CLSTN1: variants seen among roughly 807,000 people sequenced by gnomAD.
The protein encoded by CLSTN1 is calsyntenin 1, also known as calsyntenin-1.
CLSTN1 carries 28 observed loss-of-function variants against 108.3 expected under a neutral mutation model. The ratio of observed to expected loss-of-function variants is 0.26; its 90% confidence interval spans 0.19 to 0.35. The LOEUF (loss-of-function observed/expected upper bound fraction) is 0.35, where lower values mean the gene tolerates loss of function less well. CLSTN1 is among the 10% of genes least tolerant of loss of function. CLSTN1 has a pLI of 1.00. For missense variants in CLSTN1, 1,157 were observed against 1,302.6 expected (o/e 0.89, Z 1.72); for synonymous variants, 524 against 534.9 (o/e 0.98, Z 0.28).
intron 7 of CLSTN1, among the ~76,000 whole-genome samples, chr1:9,745,243 A>C (rs1651200273): frequency 6.6e-6 from 1 of 152,118 alleles, no homozygotes; most frequent in South Asian, 2.1e-4. Flanking sequence ...AAAAAAAAAA[A>C]AAACAAAAAG....
chr1:9,782,292 T>C (rs1653283953), intron 1 of CLSTN1, among the ~76,000 whole-genome samples: 1 of 152,188 alleles, frequency 6.6e-6, no homozygotes, highest in African/African-American at 2.4e-5. Flanking sequence ...TAAAGTTTTA[T>C]ACCCTATAAA....
chr1:9,819,595 T>C (rs993148622), intron 1 of CLSTN1, among the ~76,000 whole-genome samples: 3 of 152,224 alleles, frequency 2.0e-5, no homozygotes, highest in Middle Eastern at 3.2e-3. Flanking sequence ...AAATAATTCC[T>C]ATAAAACTGC....
intron 1 of CLSTN1, among the ~76,000 whole-genome samples, chr1:9,778,425 G>A (rs868229349): frequency 7.2e-5 from 11 of 152,196 alleles, no homozygotes; most frequent in Admixed American, 2.6e-4. Flanking sequence ...CTCTCATGGA[G>A]AAGATAGCTT....
In CLSTN1 at chr1:9,751,571, C is replaced by T. The variant is rs1651560552; in HGVS notation, c.551G>A (p.Arg184Lys). ...GCAGTCGGCATCCACGGCCTCCACC[C>T]TCAAAATGCTGTCGTACTGCTTCCC... Reference protein sequence around the residue: ...IEGKQYDSILRVEAVDADCSP... With the variant: ...IEGKQYDSILKVEAVDADCSP... The change falls in exon 5 of 19, where the codon AGG (arginine) becomes AAG (lysine). Residue 184 changes from arginine to lysine, a missense_variant. By Grantham distance (26) the Arg-to-Lys change is conservative (BLOSUM62 2). Coordinates refer to ENST00000377298, the MANE Select transcript of CLSTN1 (RefSeq NM_001009566.3). 6.2e-7 allele frequency: 1 copy of T among 1,614,200 alleles called. No individual in the cohort carries two copies. The highest frequency in any genetic ancestry group is 8.5e-7 in the Non-Finnish European group (1 of 1,180,036).
intron 1 of CLSTN1, among the ~76,000 whole-genome samples, chr1:9,810,104 G>A (rs1231530311): frequency 7.8e-6 from 1 of 128,932 alleles, no homozygotes; most frequent in Non-Finnish European, 1.7e-5. Flanking sequence ...AGGGAGGGAG[G>A]GAGAGAGGGA....
chr1:9,799,844 G>A (rs915977016), intron 1 of CLSTN1, among the ~76,000 whole-genome samples: 5 of 151,768 alleles, frequency 3.3e-5, no homozygotes, highest in African/African-American at 2.4e-5. Context: ...GGGAGGCTGA[G>A]ACAGGAGAAT....
At chr1:9,774,483 C>T (rs775217450) in intron 1 of CLSTN1, among the ~76,000 whole-genome samples, 49 of 151,660 alleles carry the variant, frequency 3.2e-4, no homozygotes, top group Non-Finnish European at 5.3e-4. Flanking sequence ...GAAGAATCGC[C>T]TGAACCTGGG....
chr1:9,737,705 G>A (rs556957534), intron 10 of CLSTN1, 151 bp from the exon 11 acceptor site: 2 of 674,058 alleles, frequency 3.0e-6, no homozygotes, highest in African/African-American at 1.8e-5. Context: ...CCATCTGGAC[G>A]CAAGCTTGTA....
At chr1:9,762,238 G>GACCT (rs1652109513) in intron 2 of CLSTN1, among the ~76,000 whole-genome samples, 2 of 152,102 alleles carry the variant, frequency 1.3e-5, no homozygotes, top group Admixed American at 1.3e-4. Flanking sequence ...AAGGTGGGTG[G>GACCT]ATCACCTGAG....
At position 9,734,301 on chromosome 1, in the gene CLSTN1, G is replaced by A. The variant is rs1324150581; in HGVS notation, c.2111-159C>T. Among the ~76,000 whole-genome samples the A allele has an allele frequency of 1.3e-5, 2 of 152,194 alleles. No individual in the cohort carries two copies. The highest frequency in any genetic ancestry group is 4.8e-5 in the African/African-American group (2 of 41,456). ...AGTTGCTTTCAAGAAACGGCTGGGC[G>A]CAGTGGCTCACGCCTGTAATCCCAG... On this transcript the variant is annotated intron_variant, in intron 14 of 18. Transcript: ENST00000377298. The surrounding 1 kb of genome is among the most constrained non-coding windows in gnomAD (Gnocchi z 4.8).
At chr1:9,813,607 T>G (rs1392597113) in intron 1 of CLSTN1, among the ~76,000 whole-genome samples, 2 of 152,210 alleles carry the variant, frequency 1.3e-5, no homozygotes, top group African/African-American at 4.8e-5. Flanking sequence ...TAGCTAGTCC[T>G]GTCAATCTTC....
At chr1:9,775,341 C>T (rs1244784705) in intron 1 of CLSTN1, among the ~76,000 whole-genome samples, 9 of 152,028 alleles carry the variant, frequency 5.9e-5, no homozygotes, top group Non-Finnish European at 1.3e-4. Flanking sequence ...CCCCACCCTC[C>T]TCTCGGTGAT....
rs1378175712 is a variant in CLSTN1 at position 9,743,982 on chromosome 1, G to C, written c.1258C>G (p.Leu420Val). The C allele has an allele frequency of 6.2e-7, 1 of 1,614,078 alleles. No individual in the cohort carries two copies. Among genetic ancestry groups the C allele is most frequent in the Non-Finnish European group, 8.5e-7 (1 of 1,180,030 alleles). Residue 420 changes from leucine (L) to valine (V), a missense_variant, in exon 9 of 19, where the codon CTC (leucine) becomes GTC (valine). Transcript: ENST00000377298. ...ATCAGCCGGCACCCGTGGACATAGA[G>C]GGAGTAGTGGTGCCGATTCATATCT... Reference protein sequence around the residue: ...KTDMNRHHYSLYVHGCRLIFL... With the variant: ...KTDMNRHHYSVYVHGCRLIFL...
chr1:9,775,491 C>T (rs1570478134), intron 1 of CLSTN1, among the ~76,000 whole-genome samples: 1 of 151,956 alleles, frequency 6.6e-6, no homozygotes, highest in South Asian at 2.1e-4. Flanking sequence ...CTTTGCTTTG[C>T]CTGGGGCTCG....
intron 13 of CLSTN1, 99 bp from the exon 14 acceptor site, chr1:9,735,273 A>G (rs2101078628): frequency 7.1e-7 from 1 of 1,417,628 alleles, no homozygotes; most frequent in South Asian, 1.2e-5. Context: ...GGCCCCCACT[A>G]ACACCTGCCG....
rs1444663488 is a variant in CLSTN1, at chr1:9,730,729, C to T, written c.2749-24G>A. The T allele has an allele frequency of 6.4e-6, 10 of 1,570,998 alleles. No homozygotes were observed. The East Asian group carries it at 1.2e-4, about 18-fold the overall frequency. On this transcript the variant is annotated intron_variant, in intron 18 of 18. Transcript: ENST00000377298. The surrounding 1 kb of genome is among the most constrained non-coding windows in gnomAD (Gnocchi z 5.6). ...GTCTGGCAAGGAGAAGTGACGGCCA[C>T]ATGAGTCCGGCCCTGCCCACAGCCC...
chr1:9,762,440 G>A (rs1417554830), intron 2 of CLSTN1, among the ~76,000 whole-genome samples: 5 of 149,748 alleles, frequency 3.3e-5, no homozygotes, highest in Admixed American at 1.3e-4. Context: ...CAGCCTAGGC[G>A]ACAGAGCGAG....
At chr1:9,781,082 G>A (rs945083986) in intron 1 of CLSTN1, 7 of 675,454 alleles carry the variant, frequency 1.0e-5, no homozygotes, top group Admixed American at 7.2e-5. Flanking sequence ...CATTCTGCTT[G>A]AGATTTCAAG....
chr1:9,794,375 C>T (rs1457164209), intron 1 of CLSTN1, among the ~76,000 whole-genome samples: 2 of 151,584 alleles, frequency 1.3e-5, no homozygotes, highest in South Asian at 2.2e-4. Context: ...GTCACGCAAT[C>T]TCAGCTCACT....
Sources: gnomAD v4.1 joint callset for allele counts (sites outside exome capture counted in the v4.1 genomes callset) on GRCh38, gnomAD v4.1.1 for gene constraint, Gnocchi (gnomAD v3.1) non-coding constraint, MANE v1.5 for transcripts, NCBI Gene and HGNC (gene_info 2026-07-23, HGNC 2026-07-21) for gene names.